The following ARNT variants were observed in gnomAD, a reference collection of about 807,000 sequenced individuals.
ARNT encodes the protein class E basic helix-loop-helix protein 2.
In ARNT, 30 loss-of-function variants were observed where a neutral mutation model predicts 105.0. The ratio of observed to expected loss-of-function variants is 0.29; its 90% CI spans 0.21 to 0.39. ARNT has a LOEUF of 0.39. Among genes scored for constraint, ARNT ranks in the 10% least tolerant of loss-of-function variants. ARNT has a pLI of 1.00. For synonymous variants in ARNT, 304 were observed against 344.0 expected, an observed-to-expected ratio of 0.88 and a Z score of 1.29; for missense variants, 748 against 978.7, an observed-to-expected ratio of 0.76 and a Z score of 3.15.
chr1:150,856,348 G>A (rs1045636421), intron 2 of ARNT, among the ~76,000 whole-genome samples: 24 of 152,282 alleles, frequency 1.6e-4, no homozygotes, highest in African/African-American at 5.8e-4. Context: ...GCTGAGACAG[G>A]AGAATGGCGT....
At chr1:150,854,408 A>AT (rs1664178318) in intron 2 of ARNT, among the ~76,000 whole-genome samples, 1 of 129,470 alleles carries the variant, frequency 7.7e-6, no homozygotes, top group Non-Finnish European at 1.6e-5. Flanking sequence ...ACATACAAAA[A>AT]CTAACCAGGC....
chr1:150,857,291 TATA>T (rs1664805565), intron 2 of ARNT, among the ~76,000 whole-genome samples: 1 of 152,216 alleles, frequency 6.6e-6, no homozygotes, highest in Non-Finnish European at 1.5e-5. Context: ...TTTTGATATT[TATA>T]ATACTTTTGT....
At chr1:150,833,937 CTTT>C (rs1449123694) in intron 8 of ARNT, among the ~76,000 whole-genome samples, 3 of 141,866 alleles carry the variant, frequency 2.1e-5, no homozygotes, top group Non-Finnish European at 3.1e-5. Context: ...TTTTCTTTTT[CTTT>C]TTTTTTTTTT....
chr1:150,854,992 C>T (rs745800607), intron 2 of ARNT, among the ~76,000 whole-genome samples: 3 of 151,796 alleles, frequency 2.0e-5, no homozygotes, highest in South Asian at 4.1e-4. Flanking sequence ...AAAAAAGTCT[C>T]GCCATTTTCC....
Position 150,810,892 on chromosome 1 carries a change from T to C in ARNT, c.*1129A>G. On this transcript the variant is annotated 3_prime_UTR_variant, in exon 22 of 22. Transcript: ENST00000358595. ...CTTAAATCTCAGTTGCTTGCTAAAC[T>C]GGGTATTTTGAGTATGGGATGAAAG... 1 of 225,480 alleles carries C rather than the reference T, an allele frequency of 4.4e-6. No individual in the cohort carries two copies. The highest frequency in any genetic ancestry group is 8.9e-6 in the Non-Finnish European group (1 of 112,836). The allele number at this position is 225,480 out of a possible 1,614,324, so 14.0% of individuals were successfully genotyped here.
rs587710418 is a variant in ARNT at position 150,819,137 on chromosome 1, A to G, written c.1395-1107T>C. Among the ~76,000 whole-genome samples the G allele has an allele frequency of 4.5e-4, 68 of 152,212 alleles. 1 individual carries two copies. The highest frequency in any genetic ancestry group is 1.6e-3 in the African/African-American group (65 of 41,542). ...CTAAGTAGTCATAATCTGATCTTCA[A>G]GAGGTGGATTCAAGGCCAATTCTAC... On this transcript the variant is annotated intron_variant, in intron 14 of 21. Transcript: ENST00000358595.
At chr1:150,846,195 T>C (rs1662170880) in intron 4 of ARNT, 68 bp downstream of exon 4, 3 of 1,392,552 alleles carry the variant, frequency 2.2e-6, no homozygotes, top group African/African-American at 2.9e-5. Flanking sequence ...GTCAATATGC[T>C]AGGACTGTCT....
At chr1:150,848,972 G>A (rs1662790494) in intron 3 of ARNT, among the ~76,000 whole-genome samples, 1 of 152,196 alleles carries the variant, frequency 6.6e-6, no homozygotes, top group Non-Finnish European at 1.5e-5. Flanking sequence ...GGGAGGCCGA[G>A]GTGGGCGGAT....
At chr1:150,839,341 T>C in intron 6 of ARNT, 100 bp downstream of exon 6, 3 of 1,228,170 alleles carry the variant, frequency 2.4e-6, no homozygotes, top group Non-Finnish European at 3.5e-6. Flanking sequence ...TCCCATTGTC[T>C]GACTTCTTCC....
intron 10 of ARNT, among the ~76,000 whole-genome samples, chr1:150,830,779 TC>T (rs35348500): frequency 6.6e-6 from 1 of 152,218 alleles, no homozygotes; most frequent in Non-Finnish European, 1.5e-5. Flanking sequence ...ACTGCATTTC[TC>T]CCCTGTTTTT....
At position 150,851,087 on chromosome 1, in the gene ARNT, C is replaced by G. The variant is rs587687195; in HGVS notation, c.182+1675G>C. 9.5e-4 allele frequency among the ~76,000 whole-genome samples: 137 copies of G among 143,892 alleles called. 1 individual carries two copies. The highest frequency in any genetic ancestry group is 3.3e-3 in the African/African-American group (128 of 38,470). 94.4% of individuals were successfully genotyped at this position (143,892 alleles called of 152,430 possible). ...TGAGAAGTGAGGAGCCCCTCCGCCC[C>G]GCAGCCGCCCCGTCCGGGAAGTGAG... On this transcript the variant is annotated intron_variant, in intron 3 of 21. Transcript: ENST00000358595.
chr1:150,847,170 G>A (rs1380543549), intron 3 of ARNT, among the ~76,000 whole-genome samples: 5 of 152,034 alleles, frequency 3.3e-5, no homozygotes, highest in Admixed American at 1.3e-4. Context: ...AGTGGCTCAC[G>A]CCTGTAATCC....
In ARNT at chr1:150,829,130, T is replaced by G. The variant is rs1230962754; in HGVS notation, c.1130A>C (p.Asp377Ala). 1 of 1,614,182 alleles carries G rather than the reference T, an allele frequency of 6.2e-7. No individual in the cohort carries two copies. Among genetic ancestry groups the G allele is most frequent in the Non-Finnish European group, 8.5e-7 (1 of 1,180,012 alleles). The change falls in exon 12 of 22, where the codon GAT becomes GCT. Residue 377 changes from aspartate (D) to alanine (A), a missense_variant. Physicochemically the swap from Asp to Ala is moderately radical, Grantham distance 126. Coordinates refer to ENST00000358595, the MANE Select transcript of ARNT (RefSeq NM_001668.4). ...HNIEGIFTFV[D>A]HRCVATVGYQ... is the part of the protein sequence containing the mutation. Reference sequence around the variant, plus strand: ...GCCAACAGTAGCCACACAGCGGTGATCCACAAAAGTGAAGATACCCTCAAT... The same window carrying G: ...GCCAACAGTAGCCACACAGCGGTGAGCCACAAAAGTGAAGATACCCTCAAT...
At position 150,812,063 on chromosome 1, in the gene ARNT, T is replaced by C; in HGVS notation, c.2328A>G (p.Glu776=). Residue 776 remains glutamate (E), a synonymous_variant, in exon 22 of 22, where the codon GAA becomes GAG. Transcript: ENST00000358595. ...LGDQSNSYNN[E]EFPDLTMFPP... is the part of the protein sequence containing the mutation. ...GAAACATAGTTAGATCAGGGAATTC[T>C]TCATTGTTGTAGCTGTTGCTCTGAT... 6.4e-7 allele frequency: 1 copy of C among 1,573,540 alleles called. No homozygotes were observed. Among genetic ancestry groups the C allele is most frequent in the Non-Finnish European group, 8.6e-7 (1 of 1,157,006 alleles).
At chr1:150,828,509 CA>C (rs1216117624) in intron 12 of ARNT, among the ~76,000 whole-genome samples, 2 of 151,998 alleles carry the variant, frequency 1.3e-5, no homozygotes, top group African/African-American at 4.8e-5. Context: ...ATCCTTACAC[CA>C]ACACCACAGT....
rs374797441 is a variant in ARNT at position 150,861,242 on chromosome 1, C to T, written c.26-2782G>A. 4.2e-4 allele frequency: 167 copies of T among 397,912 alleles called. 2 individuals are homozygous for T. Among genetic ancestry groups the T allele is most frequent in the South Asian group, 2.9e-3 (160 of 54,926 alleles). The allele number at this position is 397,912 out of a possible 1,614,324, so 24.6% of individuals were successfully genotyped here. On this transcript the variant is annotated intron_variant, in intron 1 of 21. Coordinates refer to ENST00000358595, the MANE Select transcript of ARNT (RefSeq NM_001668.4). ...AAAAATAAAACTGGGTGCAGTGGTGCGCACCTGTAGTCCCAGCTACTCGGG... is the reference window on the plus strand; with the variant it reads ...AAAAATAAAACTGGGTGCAGTGGTGTGCACCTGTAGTCCCAGCTACTCGGG...
At chr1:150,823,116 C>A (rs924122976) in intron 14 of ARNT, 78 bp downstream of exon 14, 18 of 1,352,048 alleles carry the variant, frequency 1.3e-5, no homozygotes, top group Non-Finnish European at 1.8e-5. Context: ...GTTTACCCCC[C>A]ACATAGGGCA....
intron 1 of ARNT, chr1:150,861,174 C>A (rs745545111): frequency 8.4e-6 from 2 of 237,090 alleles, no homozygotes; most frequent in South Asian, 3.8e-5. Flanking sequence ...TGTAAAATGG[C>A]GTAACAGCAA....
At chr1:150,857,843 T>C (rs1358581089) in intron 2 of ARNT, among the ~76,000 whole-genome samples, 3 of 152,216 alleles carry the variant, frequency 2.0e-5, no homozygotes, top group Non-Finnish European at 4.4e-5. Flanking sequence ...CTGTGTCTTA[T>C]TCATCTTTGT....
Sources: allele counts gnomAD v4.1 joint callset (sites outside exome capture counted in the v4.1 genomes callset), GRCh38; gene constraint gnomAD v4.1.1; transcripts MANE v1.5; gene names NCBI Gene and HGNC (gene_info 2026-07-23, HGNC 2026-07-21).